The following CWC27 variants were observed in gnomAD, a reference collection of about 807,000 sequenced individuals.
CWC27 encodes the protein spliceosome-associated protein CWC27 homolog.
CWC27 carries 47 observed loss-of-function variants against 63.6 expected under a neutral mutation model. That is an observed-to-expected ratio of 0.74 (90% CI 0.58 to 0.94). CWC27 has a LOEUF of 0.94. Ranked by LOEUF, CWC27 falls within the 40% of genes least tolerant of loss-of-function variation. The pLI, the probability that CWC27 is intolerant of heterozygous loss-of-function variation, is 0.00. For synonymous variants in CWC27, 175 were observed against 179.8 expected (o/e 0.97, Z 0.22); for missense variants, 495 against 554.3 (o/e 0.89, Z 1.07).
At chr5:64,892,920 T>C (rs1747276041) in intron 11 of CWC27, among the ~76,000 whole-genome samples, 1 of 151,590 alleles carries the variant, frequency 6.6e-6, no homozygotes, top group Non-Finnish European at 1.5e-5. Flanking sequence ...TTGTAGTCTG[T>C]TACCTCTTTC....
chr5:64,937,013 G>C (rs542133389), intron 11 of CWC27, among the ~76,000 whole-genome samples: 1 of 151,814 alleles, frequency 6.6e-6, no homozygotes, highest in South Asian at 2.1e-4. Context: ...AGTCTGGCTA[G>C]TGGTCTATTT....
chr5:64,888,036 C>T (rs1270862854), intron 11 of CWC27, among the ~76,000 whole-genome samples: 1 of 152,032 alleles, frequency 6.6e-6, no homozygotes, highest in Non-Finnish European at 1.5e-5. Flanking sequence ...CCAGCTCTTG[C>T]TTTCTAAAAA....
At chr5:64,964,938 A>C (rs1748984253) in intron 11 of CWC27, among the ~76,000 whole-genome samples, 1 of 152,202 alleles carries the variant, frequency 6.6e-6, no homozygotes, top group South Asian at 2.1e-4. Context: ...TCAAATTAAA[A>C]GCTTCAAAAT....
intron 7 of CWC27, among the ~76,000 whole-genome samples, chr5:64,796,016 TG>T: frequency 7.0e-6 from 1 of 142,912 alleles, no homozygotes. Context: ...TGTGTGTGTG[TG>T]TGTGTGTGTG....
intron 7 of CWC27, among the ~76,000 whole-genome samples, chr5:64,792,587 T>G (rs985169525): frequency 1.3e-5 from 2 of 152,192 alleles, no homozygotes; most frequent in Non-Finnish European, 2.9e-5. Context: ...TACATTTGCC[T>G]TTTAAACACA....
chr5:64,793,893 C>T (rs1467438541), intron 7 of CWC27, among the ~76,000 whole-genome samples: 1 of 152,064 alleles, frequency 6.6e-6, no homozygotes, highest in African/African-American at 2.4e-5. Context: ...AGATTAGAGT[C>T]CTCTCTGGTT....
chr5:64,777,637 A>G (rs538116432), intron 2 of CWC27, among the ~76,000 whole-genome samples: 1 of 152,222 alleles, frequency 6.6e-6, no homozygotes, highest in Non-Finnish European at 1.5e-5. Flanking sequence ...TTTAAGATAC[A>G]TTTAGGTATC....
rs545420013 is a variant in CWC27 at position 64,882,332 on chromosome 5, C to A, written c.939-3111C>A. Among the ~76,000 whole-genome samples, 3 of 152,198 alleles carry A rather than the reference C, an allele frequency of 2.0e-5. No individual in the cohort carries two copies. In the East Asian group the frequency reaches 5.8e-4, roughly 29 times the overall value. On this transcript the variant is annotated intron_variant, in intron 10 of 13. Transcript: ENST00000381070. ...GGAACAAATTTGGGCAAGAAGGAGA[C>A]GATTTCAGGTTTGGACATAAAGAAT...
At chr5:64,998,306 A>G (rs1344932679) in intron 13 of CWC27, among the ~76,000 whole-genome samples, 1 of 152,078 alleles carries the variant, frequency 6.6e-6, no homozygotes, top group Admixed American at 6.6e-5. Context: ...CTGTTAGTCT[A>G]CTGGCTGTAG....
intron 11 of CWC27, among the ~76,000 whole-genome samples, chr5:64,896,528 C>T (rs1395370379): frequency 6.6e-6 from 1 of 151,872 alleles, no homozygotes; most frequent in Non-Finnish European, 1.5e-5. Flanking sequence ...TTCTACGGCC[C>T]TTTTATTGTT....
intron 10 of CWC27, among the ~76,000 whole-genome samples, chr5:64,830,432 A>G (rs1235409399): frequency 6.6e-6 from 1 of 152,154 alleles, no homozygotes; most frequent in East Asian, 1.9e-4. Context: ...TTAATTCAAG[A>G]TGGATTAAAG....
intron 11 of CWC27, among the ~76,000 whole-genome samples, chr5:64,904,780 A>G (rs1049721210): frequency 6.6e-6 from 1 of 152,234 alleles, no homozygotes; most frequent in Non-Finnish European, 1.5e-5. Context: ...GAATGCAACC[A>G]TGACTCAGAT....
intron 10 of CWC27, among the ~76,000 whole-genome samples, chr5:64,859,336 A>G (rs1478447469): frequency 1.3e-5 from 2 of 152,136 alleles, no homozygotes; most frequent in Non-Finnish European, 2.9e-5. Context: ...TGACAAAAAA[A>G]CATTCTAGGA....
chr5:64,806,242 A>T (rs1003246563), intron 10 of CWC27, among the ~76,000 whole-genome samples: 1 of 152,168 alleles, frequency 6.6e-6, no homozygotes, highest in African/African-American at 2.4e-5. Flanking sequence ...ACTGTAGAGG[A>T]AAAAGTTATA....
chr5:64,989,433 T>A (rs1749494756), intron 13 of CWC27, among the ~76,000 whole-genome samples: 1 of 152,226 alleles, frequency 6.6e-6, no homozygotes, highest in Non-Finnish European at 1.5e-5. Flanking sequence ...AATTTTTTTC[T>A]TTAAAAAAAG....
In CWC27 at chr5:64,775,923, C is replaced by A. The variant is rs182259890; in HGVS notation, c.139+1136C>A. On this transcript the variant is annotated intron_variant, in intron 2 of 13. Coordinates refer to ENST00000381070, the MANE Select transcript of CWC27 (RefSeq NM_005869.4). The stretch of plus-strand genomic sequence containing the variant: ...GGTATCAGAAAACAACATTTTGGGT[C>A]AGAAGCAAGGTGTGAAAGAGAATCC... Among the ~76,000 whole-genome samples the A allele has an allele frequency of 5.9e-5, 9 of 151,868 alleles. No homozygotes were observed. The South Asian group carries it at 6.2e-4, about 11-fold the overall frequency.
chr5:64,974,100 A>G (rs968904286), intron 12 of CWC27, among the ~76,000 whole-genome samples: 10 of 151,420 alleles, frequency 6.6e-5, no homozygotes, highest in Non-Finnish European at 1.2e-4. Context: ...TAGTTTGGCA[A>G]GGTGGTGTGC....
chr5:64,806,970 G>A (rs1420663078), intron 10 of CWC27, among the ~76,000 whole-genome samples: 7 of 152,226 alleles, frequency 4.6e-5, no homozygotes, highest in South Asian at 2.1e-4. Context: ...AAACTACAAC[G>A]TGGTAAAAGG....
intron 11 of CWC27, among the ~76,000 whole-genome samples, chr5:64,970,045 CTTGAGAGACGT>C (rs1749088751): frequency 6.6e-6 from 1 of 152,112 alleles, no homozygotes; most frequent in South Asian, 2.1e-4. Context: ...GGAGTTGTCT[CTTGAGAGACGT>C]AACTGGAAAG....
Sources: allele counts gnomAD v4.1 joint callset (sites outside exome capture counted in the v4.1 genomes callset), GRCh38; gene constraint gnomAD v4.1.1; transcripts MANE v1.5; gene names NCBI Gene and HGNC (gene_info 2026-07-23, HGNC 2026-07-21).